Variants in SLX9 observed in about 807,000 individuals in gnomAD.
The protein encoded by SLX9 is SLX9 ribosome biogenesis factor.
SLX9 carries 19 observed loss-of-function variants against 20.8 expected under a neutral mutation model. That is an observed-to-expected ratio of 0.91 (90% CI 0.64 to 1.34). The LOEUF (loss-of-function observed/expected upper bound fraction) is 1.34. Among genes scored for constraint, SLX9 ranks in the 40% most tolerant of loss-of-function variants. The pLI is 0.00. For missense variants in SLX9, 299 were observed against 322.2 expected, an observed-to-expected ratio of 0.93 and a Z score of 0.55; for synonymous variants, 113 against 137.1, an observed-to-expected ratio of 0.82 and a Z score of 1.23.
intron 3 of SLX9, among the ~76,000 whole-genome samples, chr21:44,965,633 G>A (rs149339415): frequency 6.6e-6 from 1 of 152,316 alleles, no homozygotes; most frequent in African/African-American, 2.4e-5. Context: ...TGGCCACTGT[G>A]GAGGGTCACC....
chr21:44,969,302 C>T (rs2085100009), intron 4 of SLX9: 1 of 433,974 alleles, frequency 2.3e-6, no homozygotes, highest in African/African-American at 2.0e-5. Context: ...ACCGAACATT[C>T]CTGGTTCTTG....
At chr21:44,968,012 C>G (rs1387807166) in intron 4 of SLX9, among the ~76,000 whole-genome samples, 10 of 149,066 alleles carry the variant, frequency 6.7e-5, no homozygotes, top group African/African-American at 2.6e-4. Context: ...CTGCTGAGAG[C>G]TGGGGTGGTG....
At chr21:44,963,354 C>T (rs11911785) in intron 3 of SLX9, among the ~76,000 whole-genome samples, 28,025 of 150,176 alleles carry the variant, frequency 0.19, 2,688 homozygotes, top group Middle Eastern at 0.2. Flanking sequence ...TCCCAAAGTG[C>T]TCGGATTACA....
At chr21:44,976,509 G>C (rs1445788037) in intron 5 of SLX9, among the ~76,000 whole-genome samples, 171 bp from the exon 6 acceptor site, 1 of 152,180 alleles carries the variant, frequency 6.6e-6, no homozygotes, top group Non-Finnish European at 1.5e-5. Context: ...CCACGAGGAG[G>C]GCCCGGGGCA....
Position 44,963,331 on chromosome 21 carries a change from G to A in SLX9, c.352+3163G>A, listed in dbSNP as rs142613966. ...TCTCGATCTCTTGACCTCGTGATCC[G>A]CCCGCCTTGGCCTCCCAAAGTGCTC... On this transcript the variant is annotated intron_variant, in intron 3 of 5. Coordinates refer to ENST00000291634, the MANE Select transcript of SLX9 (RefSeq NM_058190.4). 6.5e-3 allele frequency among the ~76,000 whole-genome samples: 982 copies of A among 151,090 alleles called. 31 individuals are homozygous for A. Among genetic ancestry groups the A allele is most frequent in the East Asian group, 0.048 (248 of 5,150 alleles).
intron 2 of SLX9, among the ~76,000 whole-genome samples, chr21:44,951,135 C>T (rs977203691): frequency 2.0e-5 from 3 of 152,168 alleles, no homozygotes; most frequent in Non-Finnish European, 4.4e-5. Flanking sequence ...GAAGATTCCT[C>T]TGGGCTTGGC....
chr21:44,964,944 C>T (rs2085007963), intron 3 of SLX9, among the ~76,000 whole-genome samples: 1 of 152,196 alleles, frequency 6.6e-6, no homozygotes, highest in African/African-American at 2.4e-5. Context: ...TTTATCTAAC[C>T]TCACGTGTCA....
intron 2 of SLX9, among the ~76,000 whole-genome samples, chr21:44,950,568 C>T (rs2084738200): frequency 6.6e-6 from 1 of 152,246 alleles, no homozygotes. Context: ...TTAAGCCAGG[C>T]ATCCTTGTGA....
At chr21:44,946,111 A>G (rs1290823941) in intron 2 of SLX9, among the ~76,000 whole-genome samples, 5 of 152,346 alleles carry the variant, frequency 3.3e-5, no homozygotes, top group Middle Eastern at 6.8e-3. Flanking sequence ...TGAACTTTAC[A>G]ATGTCAAAGA....
intron 2 of SLX9, among the ~76,000 whole-genome samples, chr21:44,952,313 C>T (rs1165161725): frequency 1.3e-5 from 2 of 152,266 alleles, no homozygotes; most frequent in African/African-American, 2.4e-5. Context: ...TTCTATTTGC[C>T]AGACAGCAAT....
chr21:44,974,296 T>A (rs894026680), intron 5 of SLX9, among the ~76,000 whole-genome samples: 1 of 152,104 alleles, frequency 6.6e-6, no homozygotes, highest in Non-Finnish European at 1.5e-5. Flanking sequence ...GAGTCTGAAG[T>A]CTGTTTTGTG....
chr21:44,941,036 AT>A (rs937991586), intron 1 of SLX9, among the ~76,000 whole-genome samples: 6 of 143,276 alleles, frequency 4.2e-5, no homozygotes, highest in African/African-American at 1.6e-4. Context: ...TGAAATTTTC[AT>A]TTTTTTTGAC....
chr21:44,940,232 G>C (rs1002780697), intron 1 of SLX9, 46 bp downstream of exon 1: 4 of 1,208,420 alleles, frequency 3.3e-6, no homozygotes, highest in Non-Finnish European at 4.1e-6. Context: ...TGGGTCCGAG[G>C]GCGGGTGAGC....
intron 2 of SLX9, among the ~76,000 whole-genome samples, chr21:44,951,875 G>A (rs2084764177): frequency 6.8e-6 from 1 of 147,962 alleles, no homozygotes; most frequent in Admixed American, 6.6e-5. Flanking sequence ...CGCCCGTCGT[G>A]TGTGGGTTTA....
At chr21:44,964,949 G>A (rs953812091) in intron 3 of SLX9, among the ~76,000 whole-genome samples, 1 of 152,118 alleles carries the variant, frequency 6.6e-6, no homozygotes, top group East Asian at 1.9e-4. Context: ...CTAACCTCAC[G>A]TGTCATGCTC....
At position 44,940,082 on chromosome 21, in the gene SLX9, GC is replaced by G; in HGVS notation, c.28del (p.Arg10GlufsTer7). 1 of 1,458,242 alleles carries G rather than the reference GC, an allele frequency of 6.9e-7. No individual in the cohort carries two copies. Among genetic ancestry groups the G allele is most frequent in the Non-Finnish European group, 9.1e-7 (1 of 1,103,672 alleles). The allele number at this position is 1,458,242 out of a possible 1,614,324, so 90.3% of individuals were successfully genotyped here. A position where few individuals can be genotyped will look rare whatever the true frequency, so the allele number is the denominator to read the frequency against. Reference sequence around the variant, plus strand: ...GATGGGGAAAGTGAGGGGGTTGCGCGCCCGAGTGCACCAGGCTGCCGTGAGG... The same window carrying G: ...GATGGGGAAAGTGAGGGGGTTGCGCGCCGAGTGCACCAGGCTGCCGTGAGG... MGKVRGLR[A>X]RVHQAAVRPK... On this transcript the variant is annotated frameshift_variant, in exon 1 of 6. Transcript: ENST00000291634. LOFTEE classifies it high-confidence loss of function.
intron 2 of SLX9, among the ~76,000 whole-genome samples, chr21:44,944,153 G>C (rs191169414): frequency 6.6e-6 from 1 of 152,182 alleles, no homozygotes; most frequent in African/African-American, 2.4e-5. Flanking sequence ...TGATTCTTTC[G>C]GTCTGTCTGT....
chr21:44,945,149 C>T (rs2084619731), intron 2 of SLX9, among the ~76,000 whole-genome samples: 1 of 152,202 alleles, frequency 6.6e-6, no homozygotes, highest in Non-Finnish European at 1.5e-5. Context: ...CGGCGACAGA[C>T]ATAGCTCATA....
At chr21:44,975,337 C>G (rs1172843040) in intron 5 of SLX9, among the ~76,000 whole-genome samples, 1 of 152,222 alleles carries the variant, frequency 6.6e-6, no homozygotes, top group African/African-American at 2.4e-5. Flanking sequence ...GCTTTTCTCT[C>G]AGGTGGGAGG....
Sources: allele counts gnomAD v4.1 joint callset (sites outside exome capture counted in the v4.1 genomes callset), GRCh38; gene constraint gnomAD v4.1.1; transcripts MANE v1.5; gene names NCBI Gene and HGNC (gene_info 2026-07-23, HGNC 2026-07-21).